Variants in ZNF486 observed in about 807,000 individuals in gnomAD.
ZNF486 encodes zinc finger protein 486, also known as KRAB box only protein 2.
A neutral mutation model predicts 12.8 loss-of-function variants in ZNF486; 12 were observed. The ratio of observed to expected loss-of-function variants is 0.94; its 90% CI spans 0.60 to 1.52. The LOEUF is 1.52. Ranked by LOEUF, ZNF486 falls within the 40% of genes most tolerant of loss-of-function variation. The pLI is 0.00. For synonymous variants in ZNF486, 231 were observed against 184.9 expected, an observed-to-expected ratio of 1.25 and a Z score of -2.02; for missense variants, 738 against 545.0, an observed-to-expected ratio of 1.35 and a Z score of -3.53.
At chr19:20,194,683 G>A (rs149479090) in intron 3 of ZNF486, among the ~76,000 whole-genome samples, 1 of 152,022 alleles carries the variant, frequency 6.6e-6, no homozygotes, top group East Asian at 1.9e-4. Flanking sequence ...AGCCAAGATT[G>A]CATCATTGCA....
intron 3 of ZNF486, among the ~76,000 whole-genome samples, chr19:20,189,685 T>C (rs375073284): frequency 2.0e-5 from 3 of 152,206 alleles, no homozygotes; most frequent in African/African-American, 4.8e-5. Flanking sequence ...TATTGAACTT[T>C]ATTGATTAGT....
intron 1 of ZNF486, among the ~76,000 whole-genome samples, chr19:20,169,895 T>G (rs1347927047): frequency 1.4e-5 from 2 of 145,476 alleles, no homozygotes; most frequent in Non-Finnish European, 3.0e-5. Context: ...TATGTTTTTT[T>G]TTTTTTTTTT....
intron 2 of ZNF486, among the ~76,000 whole-genome samples, chr19:20,184,885 G>A (rs1225925915): frequency 2.0e-5 from 3 of 152,156 alleles, no homozygotes; most frequent in Admixed American, 6.6e-5. Context: ...GCTGAGACGG[G>A]CAGATCACCT....
At chr19:20,196,755 C>G (rs530053651) in intron 3 of ZNF486, among the ~76,000 whole-genome samples, 9 of 152,328 alleles carry the variant, frequency 5.9e-5, no homozygotes, top group Non-Finnish European at 1.2e-4. Flanking sequence ...GACTTTCACA[C>G]ACTTAAAACT....
intron 3 of ZNF486, among the ~76,000 whole-genome samples, chr19:20,190,614 G>A (rs1412102498): frequency 1.3e-5 from 2 of 152,096 alleles, no homozygotes; most frequent in Admixed American, 6.6e-5. Flanking sequence ...CAAACTTTTG[G>A]CCCTAATGGA....
intron 3 of ZNF486, among the ~76,000 whole-genome samples, chr19:20,187,912 A>G (rs1170853952): frequency 6.6e-6 from 1 of 152,066 alleles, no homozygotes; most frequent in African/African-American, 2.4e-5. Flanking sequence ...CTTGGTGACA[A>G]GGCTGCTGGG....
rs2089996493 is a variant in ZNF486, at chr19:20,199,805, G to T, written c.*1703G>T. 2 of 152,172 alleles carry T rather than the reference G, an allele frequency of 1.3e-5. No individual in the cohort carries two copies. The allele number at this position is 152,172 out of a possible 1,614,324, so 9.4% of individuals were successfully genotyped here. On this transcript the variant is annotated 3_prime_UTR_variant, in exon 4 of 4. Transcript: ENST00000335117. ...AGTATACTTGTTCCAGCTGCGTGTG[G>T]TGGCTCATGCCTGTAATCCCAACAC... is the stretch of plus-strand genomic sequence containing the variant.
At chr19:20,191,620 A>T (rs2089903842) in intron 3 of ZNF486, among the ~76,000 whole-genome samples, 1 of 148,800 alleles carries the variant, frequency 6.7e-6, no homozygotes, top group Admixed American at 6.8e-5. Context: ...ATATAAAAAA[A>T]TTAGCCGGGC....
intron 3 of ZNF486, among the ~76,000 whole-genome samples, chr19:20,194,848 G>T (rs948136643): frequency 6.6e-6 from 1 of 151,936 alleles, no homozygotes; most frequent in Non-Finnish European, 1.5e-5. Context: ...GCTTATATAT[G>T]TGTTTGTTAT....
intron 1 of ZNF486, among the ~76,000 whole-genome samples, chr19:20,183,001 C>A (rs782358036): frequency 6.6e-6 from 1 of 152,236 alleles, no homozygotes; most frequent in East Asian, 1.9e-4. Context: ...ACTCACAAAC[C>A]TTTACTTCTC....
chr19:20,178,084 C>T (rs1040372996), intron 1 of ZNF486, among the ~76,000 whole-genome samples: 3 of 145,370 alleles, frequency 2.1e-5, no homozygotes, highest in South Asian at 2.3e-4. Flanking sequence ...CCACCAGGCC[C>T]GGCTAATTTT....
At chr19:20,173,956 CT>C (rs1555714299) in intron 1 of ZNF486, among the ~76,000 whole-genome samples, 1 of 122,648 alleles carries the variant, frequency 8.2e-6, no homozygotes, top group Non-Finnish European at 1.5e-5. Flanking sequence ...AGCTAAATAC[CT>C]TTTGTCTTTT....
intron 1 of ZNF486, among the ~76,000 whole-genome samples, chr19:20,172,932 C>T (rs911005468): frequency 2.0e-5 from 3 of 152,202 alleles, no homozygotes; most frequent in Non-Finnish European, 4.4e-5. Flanking sequence ...TGAGTCACCA[C>T]GCCCAGCCAA....
chr19:20,195,452 G>A (rs2089949125), intron 3 of ZNF486, among the ~76,000 whole-genome samples: 1 of 152,156 alleles, frequency 6.6e-6, no homozygotes, highest in Non-Finnish European at 1.5e-5. Context: ...ACAGGAATGA[G>A]CCACCAACAG....
intron 3 of ZNF486, among the ~76,000 whole-genome samples, chr19:20,189,463 A>T (rs2089881930): frequency 6.6e-6 from 1 of 152,228 alleles, no homozygotes; most frequent in Admixed American, 6.5e-5. Context: ...GCAAGAAGCA[A>T]CATGGGTTTC....
At chr19:20,178,410 A>AT (rs2089747698) in intron 1 of ZNF486, among the ~76,000 whole-genome samples, 1 of 151,376 alleles carries the variant, frequency 6.6e-6, no homozygotes, top group Admixed American at 6.6e-5. Context: ...CACCTGGCTA[A>AT]TTTTTTGTAT....
intron 3 of ZNF486, among the ~76,000 whole-genome samples, chr19:20,191,585 C>T (rs836901): frequency 0.21 from 31,663 of 150,302 alleles, 3,868 homozygotes; most frequent in East Asian, 0.47. Flanking sequence ...CTGGCTAAGA[C>T]GGTGAAACCC....
chr19:20,195,946 T>C (rs2089954242), intron 3 of ZNF486, among the ~76,000 whole-genome samples: 2 of 152,218 alleles, frequency 1.3e-5, no homozygotes, highest in African/African-American at 4.8e-5. Context: ...AAAAAGCCCC[T>C]AGAAGACAAA....
At chr19:20,187,286 A>T (rs1216317620) in intron 3 of ZNF486, among the ~76,000 whole-genome samples, 7 of 152,022 alleles carry the variant, frequency 4.6e-5, no homozygotes, top group Non-Finnish European at 1.0e-4. Context: ...ACAGGTTTTA[A>T]TGTACTATTT....
Sources: gnomAD v4.1 joint callset for allele counts (sites outside exome capture counted in the v4.1 genomes callset) on GRCh38, gnomAD v4.1.1 for gene constraint, MANE v1.5 for transcripts, NCBI Gene and HGNC (gene_info 2026-07-23, HGNC 2026-07-21) for gene names.